SACM1L: variants seen among roughly 807,000 people sequenced by gnomAD.
SACM1L encodes SAC1 like phosphatidylinositide phosphatase.
A neutral mutation model predicts 89.5 loss-of-function variants in SACM1L; 32 were observed. The observed-to-expected ratio is 0.36, with a 90% CI of 0.27 to 0.48. The LOEUF (loss-of-function observed/expected upper bound fraction) is 0.48. Among genes scored for constraint, SACM1L ranks in the 20% least tolerant of loss-of-function variants. The pLI is 0.99. For missense variants in SACM1L, 543 were observed against 708.5 expected (o/e 0.77, Z 2.65); for synonymous variants, 213 against 232.8 (o/e 0.92, Z 0.77).
At chr3:45,693,336 T>A (rs1698044378) in intron 1 of SACM1L, among the ~76,000 whole-genome samples, 1 of 152,236 alleles carries the variant, frequency 6.6e-6, no homozygotes, top group Non-Finnish European at 1.5e-5. Context: ...TAGAGCCTTG[T>A]GCAGAGCAGC....
At chr3:45,733,452 G>A (rs1699123263) in intron 13 of SACM1L, among the ~76,000 whole-genome samples, 1 of 152,068 alleles carries the variant, frequency 6.6e-6, no homozygotes, top group Non-Finnish European at 1.5e-5. Flanking sequence ...ACATATCTAG[G>A]ATTTTATAAG....
At chr3:45,723,569 G>C in intron 11 of SACM1L, 26 bp downstream of exon 11, 1 of 1,244,962 alleles carries the variant, frequency 8.0e-7, no homozygotes, top group Non-Finnish European at 1.1e-6. Context: ...TTCTTGGGGG[G>C]AAAAAAAAGC....
intron 14 of SACM1L, among the ~76,000 whole-genome samples, chr3:45,736,370 T>C (rs1464979755): frequency 6.6e-6 from 1 of 152,220 alleles, no homozygotes; most frequent in Non-Finnish European, 1.5e-5. Context: ...AGAGCCCCAA[T>C]TTTTAAATCA....
At chr3:45,698,510 T>C (rs764745590) in intron 1 of SACM1L, among the ~76,000 whole-genome samples, 4 of 152,206 alleles carry the variant, frequency 2.6e-5, no homozygotes, top group Non-Finnish European at 4.4e-5. Context: ...GCGAGACATC[T>C]CTACCTTGAT....
chr3:45,696,553 A>G (rs1470443253), intron 1 of SACM1L, among the ~76,000 whole-genome samples: 1 of 152,134 alleles, frequency 6.6e-6, no homozygotes, highest in East Asian at 1.9e-4. Flanking sequence ...CTGTTTTCCC[A>G]TAGTGGCTGC....
At chr3:45,721,230 A>T (rs1293079671) in intron 8 of SACM1L, among the ~76,000 whole-genome samples, 1 of 152,224 alleles carries the variant, frequency 6.6e-6, no homozygotes, top group Non-Finnish European at 1.5e-5. Flanking sequence ...ATTATAAACT[A>T]GCCTATATTC....
rs551374564 is a variant in SACM1L at position 45,734,150 on chromosome 3, C to T, written c.1101-1085C>T. 3.3e-3 allele frequency among the ~76,000 whole-genome samples: 458 copies of T among 139,666 alleles called. 2 individuals are homozygous for T. The highest frequency in any genetic ancestry group is 0.011 in the African/African-American group (415 of 36,950). 91.6% of individuals were successfully genotyped at this position (139,666 alleles called of 152,430 possible). A position where few individuals can be genotyped will look rare whatever the true frequency, so the allele number is the denominator to read the frequency against. ...TTTTTTGGCTGGGGGCTGTGGCTCA[C>T]GCCTGTAATCCCAGCACTTTGGGAA... On this transcript the variant is annotated intron_variant, in intron 13 of 19. Coordinates refer to ENST00000389061, the MANE Select transcript of SACM1L (RefSeq NM_014016.5).
chr3:45,742,838 G>C (rs1699345205), intron 19 of SACM1L: 2 of 152,378 alleles, frequency 1.3e-5, no homozygotes, highest in South Asian at 4.1e-4. Flanking sequence ...AGATCACCAG[G>C]TTGCCTAAGG....
intron 19 of SACM1L, among the ~76,000 whole-genome samples, chr3:45,742,068 C>T (rs1699327964): frequency 6.6e-6 from 1 of 152,200 alleles, no homozygotes; most frequent in South Asian, 2.1e-4. Context: ...ACTATACCCA[C>T]ATTTACTTAA....
Position 45,735,340 on chromosome 3 carries a change from G to T in SACM1L, c.1206G>T (p.Leu402Phe). 6.3e-7 allele frequency: 1 copy of T among 1,586,862 alleles called. No individual in the cohort carries two copies. The highest frequency in any genetic ancestry group is 8.5e-7 in the Non-Finnish European group (1 of 1,170,402). Residue 402 changes from leucine to phenylalanine, a missense_variant, in exon 14 of 20, where the codon TTG becomes TTT. Physicochemically the swap from Leu to Phe is conservative, Grantham distance 22. Transcript: ENST00000389061. ...CLDRTNVIQS[L>F]LARRSLQAQL... ...ATAGAACCAATGTGATCCAGAGTTTGTTAGCTCGTCGTTCACTTCAGGCCC... is the reference window on the plus strand; with the variant it reads ...ATAGAACCAATGTGATCCAGAGTTTTTTAGCTCGTCGTTCACTTCAGGCCC...
chr3:45,732,228 G>A lies in SACM1L; in HGVS notation c.1100+77G>A. The stretch of plus-strand genomic sequence containing the variant: ...GTCATATTTTATTATGCGTCATCCA[G>A]CAGACTTACAAGTACAGTTCACTGG... On this transcript the variant is annotated intron_variant, in intron 13 of 19. Transcript: ENST00000389061. The A allele has an allele frequency of 1.4e-5, 11 of 780,536 alleles. 1 individual carries two copies. Among genetic ancestry groups the A allele is most frequent in the Non-Finnish European group, 2.3e-5 (11 of 485,616 alleles). The allele number at this position is 780,536 out of a possible 1,614,324, so 48.4% of individuals were successfully genotyped here.
intron 1 of SACM1L, among the ~76,000 whole-genome samples, chr3:45,691,783 T>G (rs1697998176): frequency 6.6e-6 from 1 of 152,146 alleles, no homozygotes; most frequent in South Asian, 2.1e-4. Context: ...CCTGTCCTAC[T>G]TCGGATTTTA....
At chr3:45,726,805 T>C (rs1698928353) in intron 11 of SACM1L, among the ~76,000 whole-genome samples, 1 of 152,096 alleles carries the variant, frequency 6.6e-6, no homozygotes, top group East Asian at 1.9e-4. Flanking sequence ...TGCTTTGAGG[T>C]TTTCTTTTTT....
intron 19 of SACM1L, 143 bp downstream of exon 19, chr3:45,739,787 A>T: frequency 1.3e-6 from 1 of 757,216 alleles, no homozygotes; most frequent in Admixed American, 2.3e-5. Flanking sequence ...GATTGTCATT[A>T]GATGTGACAG....
chr3:45,697,269 CTTTTTTTTTT>C (rs869095037), intron 1 of SACM1L, among the ~76,000 whole-genome samples: 2,264 of 92,206 alleles, frequency 0.025, 83 homozygotes, highest in African/African-American at 0.093. Context: ...TTTTCTTTTC[CTTTTTTTTTT>C]TTTTTTTTTT....
chr3:45,729,316 C>G (rs1033630815), intron 11 of SACM1L, among the ~76,000 whole-genome samples: 1 of 152,064 alleles, frequency 6.6e-6, no homozygotes, highest in African/African-American at 2.4e-5. Flanking sequence ...AACTCCTGAC[C>G]TCAAGTGATC....
At chr3:45,697,175 C>T (rs1698147929) in intron 1 of SACM1L, among the ~76,000 whole-genome samples, 1 of 150,482 alleles carries the variant, frequency 6.6e-6, no homozygotes, top group African/African-American at 2.4e-5. Flanking sequence ...TTTATTTCAA[C>T]ATTTTTTGTA....
chr3:45,724,647 T>C (rs1698875137), intron 11 of SACM1L, among the ~76,000 whole-genome samples: 1 of 152,192 alleles, frequency 6.6e-6, no homozygotes, highest in African/African-American at 2.4e-5. Flanking sequence ...AAGTCCAGCT[T>C]ATCTAGTTTT....
intron 2 of SACM1L, 86 bp downstream of exon 2, chr3:45,703,621 T>G (rs1388587989): frequency 1.2e-6 from 1 of 859,838 alleles, no homozygotes; most frequent in East Asian, 2.6e-5. Flanking sequence ...CAGAGGTGTG[T>G]CAGTGTGTGG....
Sources: allele counts gnomAD v4.1 joint callset (sites outside exome capture counted in the v4.1 genomes callset), GRCh38; gene constraint gnomAD v4.1.1; transcripts MANE v1.5; gene names NCBI Gene and HGNC (gene_info 2026-07-23, HGNC 2026-07-21).